ANKRD6: variants seen among roughly 807,000 people sequenced by gnomAD.
ANKRD6 encodes ankyrin repeat domain-containing protein 6.
Under a neutral mutation model 82.3 loss-of-function variants are expected in ANKRD6, and 56 were observed. The observed-to-expected ratio is 0.68, with a 90% CI of 0.55 to 0.85. The LOEUF is 0.85. Ranked by LOEUF, ANKRD6 falls within the 40% of genes least tolerant of loss-of-function variation. The probability of loss-of-function intolerance (pLI) is 0.00; values close to 1 mark genes in which losing one functional copy is unlikely to be tolerated. For missense variants in ANKRD6, 852 were observed against 907.6 expected, an observed-to-expected ratio of 0.94 and a Z score of 0.79; for synonymous variants, 347 against 352.1, an observed-to-expected ratio of 0.99 and a Z score of 0.16.
chr6:89,630,755 G>A lies in ANKRD6; in HGVS notation c.1935G>A (p.Pro645=), dbSNP rs780853764. ...QPAASSTCGQ[P]PPATGSEQTG... Reference sequence around the variant, plus strand: ...CAGCCAGCAGCACCTGTGGGCAGCCGCCACCAGCCACAGGCAGCGAGCAGA... The same window carrying A: ...CAGCCAGCAGCACCTGTGGGCAGCCACCACCAGCCACAGGCAGCGAGCAGA... The change falls in exon 16 of 16, where the codon CCG becomes CCA. Residue 645 remains proline, a synonymous_variant. Coordinates refer to ENST00000339746, the MANE Select transcript of ANKRD6 (RefSeq NM_001242809.2). 2.6e-5 allele frequency: 42 copies of A among 1,613,410 alleles called. No homozygotes were observed. Among genetic ancestry groups the A allele is most frequent in the African/African-American group, 2.0e-4 (15 of 74,934 alleles).
At chr6:89,437,087 T>C (rs562227042) in intron 1 of ANKRD6, among the ~76,000 whole-genome samples, 86 of 152,340 alleles carry the variant, frequency 5.6e-4, no homozygotes, top group Non-Finnish European at 1.0e-3. Flanking sequence ...AATGCTCTTA[T>C]GTATGTTTGA....
At chr6:89,441,161 T>G (rs1771327801) in intron 1 of ANKRD6, among the ~76,000 whole-genome samples, 1 of 152,032 alleles carries the variant, frequency 6.6e-6, no homozygotes, top group African/African-American at 2.4e-5. Flanking sequence ...TGTATCTTCT[T>G]TTTTTTTGAG....
intron 2 of ANKRD6, among the ~76,000 whole-genome samples, chr6:89,570,312 C>T (rs546216916): frequency 1.1e-4 from 16 of 152,254 alleles, no homozygotes; most frequent in African/African-American, 3.9e-4. Flanking sequence ...CTTCCCTCCT[C>T]AGCCTCCCAA....
In ANKRD6 at chr6:89,449,029, C is replaced by CAA. The variant is rs368751340; in HGVS notation, c.-144+15675_-144+15676dup. Among the ~76,000 whole-genome samples, 205 of 50,960 alleles carry CAA rather than the reference C, an allele frequency of 4.0e-3. 1 individual carries two copies. The highest frequency in any genetic ancestry group is 9.4e-3 in the Middle Eastern group (1 of 106). 33.4% of individuals were successfully genotyped at this position (50,960 alleles called of 152,430 possible). Reference sequence around the variant, plus strand: ...TGGGAGACACAGCGAGACTCCGTCTCAAAAAAAAAAAAAAAAAAAAAAGAA... The same window carrying CAA: ...TGGGAGACACAGCGAGACTCCGTCTCAAAAAAAAAAAAAAAAAAAAAAAAGAA... On this transcript the variant is annotated intron_variant, in intron 1 of 15. Transcript: ENST00000339746.
intron 1 of ANKRD6, among the ~76,000 whole-genome samples, chr6:89,508,291 C>T (rs954853029): frequency 6.6e-6 from 1 of 152,120 alleles, no homozygotes; most frequent in Non-Finnish European, 1.5e-5. Context: ...TGAGCCTGGA[C>T]AATCTGCCTC....
chr6:89,493,584 AT>A (rs1259578725), intron 1 of ANKRD6, among the ~76,000 whole-genome samples: 3 of 151,120 alleles, frequency 2.0e-5, no homozygotes, highest in Non-Finnish European at 3.0e-5. Flanking sequence ...TAATTTTTAA[AT>A]TTTTTTTTGT....
intron 1 of ANKRD6, among the ~76,000 whole-genome samples, chr6:89,547,627 G>C (rs1419044828): frequency 1.3e-5 from 2 of 152,124 alleles, no homozygotes; most frequent in African/African-American, 4.8e-5. Context: ...TTCTCTGCTT[G>C]TGGATATTCC....
intron 1 of ANKRD6, among the ~76,000 whole-genome samples, chr6:89,501,696 C>T (rs1215557162): frequency 6.6e-6 from 1 of 152,168 alleles, no homozygotes; most frequent in Non-Finnish European, 1.5e-5. Flanking sequence ...TGGATAACAT[C>T]CATGTGGAGA....
rs558556620 is a variant in ANKRD6 at position 89,469,706 on chromosome 6, C to T, written c.-144+36331C>T. On this transcript the variant is annotated intron_variant, in intron 1 of 15. Transcript: ENST00000339746. ...GTGCTCCTCTGCCTTCTGTAGTTCC[C>T]GTGTCACTCGTCTGGAATTATTTTT... 5.2e-4 allele frequency among the ~76,000 whole-genome samples: 79 copies of T among 152,278 alleles called. No homozygotes were observed. In the South Asian group the frequency reaches 0.015, roughly 30 times the overall value.
intron 1 of ANKRD6, among the ~76,000 whole-genome samples, chr6:89,542,617 T>C (rs576568198): frequency 6.6e-6 from 1 of 152,224 alleles, no homozygotes; most frequent in East Asian, 1.9e-4. Flanking sequence ...TCTTGTCATA[T>C]AGAAACAGCT....
At chr6:89,559,463 A>T (rs118173967) in intron 1 of ANKRD6, among the ~76,000 whole-genome samples, 1,826 of 152,298 alleles carry the variant, frequency 0.012, 17 homozygotes, top group Non-Finnish European at 0.018. Context: ...TCTTCAATAT[A>T]TGCTTGGTAC....
chr6:89,481,186 T>C (rs1776765421), intron 1 of ANKRD6, among the ~76,000 whole-genome samples: 1 of 152,168 alleles, frequency 6.6e-6, no homozygotes, highest in African/African-American at 2.4e-5. Context: ...TCCCCCACTT[T>C]AGCTCTTAAA....
intron 2 of ANKRD6, among the ~76,000 whole-genome samples, chr6:89,569,397 G>A (rs1562860032): frequency 6.6e-6 from 1 of 152,054 alleles, no homozygotes; most frequent in Non-Finnish European, 1.5e-5. Context: ...AGTTTTCAAG[G>A]TTCATCTCTG....
intron 1 of ANKRD6, among the ~76,000 whole-genome samples, chr6:89,515,979 G>A (rs1174429901): frequency 1.3e-5 from 2 of 152,202 alleles, no homozygotes; most frequent in South Asian, 2.1e-4. Context: ...AAGCTAAAAG[G>A]GACAAGGAAC....
chr6:89,503,823 C>T (rs927575095), intron 1 of ANKRD6, among the ~76,000 whole-genome samples: 4 of 152,080 alleles, frequency 2.6e-5, no homozygotes, highest in African/African-American at 9.7e-5. Context: ...TAAGAGCATT[C>T]CTTGTAGAGG....
intron 1 of ANKRD6, among the ~76,000 whole-genome samples, chr6:89,551,796 T>A (rs962615998): frequency 6.6e-6 from 1 of 152,208 alleles, no homozygotes; most frequent in Admixed American, 6.5e-5. Flanking sequence ...GTAGAAATAA[T>A]TTGCCTATGA....
intron 1 of ANKRD6, among the ~76,000 whole-genome samples, chr6:89,470,443 A>C (rs1775311729): frequency 6.6e-6 from 1 of 152,064 alleles, no homozygotes; most frequent in Non-Finnish European, 1.5e-5. Flanking sequence ...ACATAGCGAG[A>C]CTCTTGTCTC....
intron 1 of ANKRD6, among the ~76,000 whole-genome samples, chr6:89,551,670 GA>G (rs1443375904): frequency 6.6e-6 from 1 of 152,238 alleles, no homozygotes; most frequent in African/African-American, 2.4e-5. Flanking sequence ...GATCAGTAGG[GA>G]AAGGGCACAG....
intron 8 of ANKRD6, among the ~76,000 whole-genome samples, chr6:89,617,731 A>G (rs555760513): frequency 6.6e-6 from 1 of 152,178 alleles, no homozygotes; most frequent in Non-Finnish European, 1.5e-5. Flanking sequence ...CTGGTGTCAT[A>G]TATTTTACTT....
Sources: gnomAD v4.1 joint callset for allele counts (sites outside exome capture counted in the v4.1 genomes callset) on GRCh38, gnomAD v4.1.1 for gene constraint, MANE v1.5 for transcripts, NCBI Gene and HGNC (gene_info 2026-07-23, HGNC 2026-07-21) for gene names.